Variants in FRMPD2 observed in about 807,000 individuals in gnomAD.
FRMPD2 encodes the protein FERM and PDZ domain containing 2.
In FRMPD2, 96 loss-of-function variants were observed where a neutral mutation model predicts 140.1. That is an observed-to-expected ratio of 0.69 (90% CI 0.58 to 0.81). FRMPD2 has a LOEUF of 0.81. Among genes scored for constraint, FRMPD2 ranks in the 40% least tolerant of loss-of-function variants. FRMPD2 has a pLI of 0.00. For missense variants in FRMPD2, 1,240 were observed against 1,447.4 expected (o/e 0.86, Z 2.32); for synonymous variants, 449 against 547.6 (o/e 0.82, Z 2.52).
At chr10:48,204,821 G>A (rs1409311347) in intron 14 of FRMPD2, among the ~76,000 whole-genome samples, 2 of 152,268 alleles carry the variant, frequency 1.3e-5, no homozygotes, top group East Asian at 3.9e-4. Context: ...AACTAGTGCT[G>A]ATAACTATGG....
chr10:48,228,767 A>G (rs1170803857), intron 10 of FRMPD2, among the ~76,000 whole-genome samples: 1 of 152,066 alleles, frequency 6.6e-6, no homozygotes, highest in Non-Finnish European at 1.5e-5. Context: ...GTTAAAAGGA[A>G]GATATGAGAA....
chr10:48,225,668 G>T (rs2131911113), intron 10 of FRMPD2, among the ~76,000 whole-genome samples: 1 of 152,306 alleles, frequency 6.6e-6, no homozygotes, highest in South Asian at 2.1e-4. Context: ...TCTTTGGAAA[G>T]CCTGTCTCTC....
intron 13 of FRMPD2, among the ~76,000 whole-genome samples, chr10:48,207,312 T>C (rs533416876): frequency 6.6e-6 from 1 of 152,320 alleles, no homozygotes; most frequent in East Asian, 1.9e-4. Flanking sequence ...CTTTTCCTTG[T>C]TGTGTCAGAG....
chr10:48,234,823 G>C (rs1839930906), intron 9 of FRMPD2, among the ~76,000 whole-genome samples: 1 of 152,096 alleles, frequency 6.6e-6, no homozygotes, highest in Admixed American at 6.5e-5. Flanking sequence ...ACAGAACTGG[G>C]ACAATAGCAC....
intron 12 of FRMPD2, among the ~76,000 whole-genome samples, chr10:48,221,517 C>T (rs1438205337): frequency 2.6e-5 from 4 of 152,152 alleles, no homozygotes; most frequent in African/African-American, 9.7e-5. Flanking sequence ...ACCAAAATTT[C>T]AGTAATCAAC....
chr10:48,271,901 A>AT (rs1840774575), intron 1 of FRMPD2, among the ~76,000 whole-genome samples: 1 of 152,156 alleles, frequency 6.6e-6, no homozygotes, highest in Admixed American at 6.5e-5. Context: ...ACCATGAGTT[A>AT]TTGTGTCTGG....
intron 14 of FRMPD2, among the ~76,000 whole-genome samples, chr10:48,204,179 A>G (rs1839150730): frequency 6.6e-6 from 1 of 152,164 alleles, no homozygotes; most frequent in East Asian, 1.9e-4. Flanking sequence ...AAGTTTTTGC[A>G]CTCATCAGAA....
chr10:48,244,638 A>G (rs1840202361), intron 4 of FRMPD2, 146 bp downstream of exon 4: 1 of 629,436 alleles, frequency 1.6e-6, no homozygotes, highest in Non-Finnish European at 2.9e-6. Context: ...GAGTTGTGTG[A>G]TAAGTTCTCA....
intron 20 of FRMPD2, among the ~76,000 whole-genome samples, chr10:48,183,214 T>A (rs945769608): frequency 6.6e-6 from 1 of 152,176 alleles, no homozygotes; most frequent in African/African-American, 2.4e-5. Flanking sequence ...TTCTCCTGTA[T>A]ACAAGGGAAA....
At chr10:48,274,332 C>T (rs1283319539) in intron 1 of FRMPD2, among the ~76,000 whole-genome samples, 2 of 152,118 alleles carry the variant, frequency 1.3e-5, no homozygotes, top group Non-Finnish European at 2.9e-5. Context: ...TCTTCTGAGC[C>T]CATTCTTTAT....
rs1838663653 is a variant in FRMPD2, at chr10:48,185,613, C to A, written c.2299G>T (p.Ala767Ser). ...CGTACAATTTCTCGGCCCGGTTCAG[C>A]TATAAAGCTCTTCCTCCTATTATTC... ...SKNNRRKSFI[A>S]EPGREIVRVT... Residue 767 changes from alanine to serine, a missense_variant, in exon 18 of 29, where the codon GCT becomes TCT. Around this residue, in one of 6 missense-constraint regions of FRMPD2, gnomAD observed 1,161 missense variants for 1,055.9 expected, o/e 1.10. Transcript: ENST00000374201. 1 of 1,613,958 alleles carries A rather than the reference C, an allele frequency of 6.2e-7. No individual in the cohort carries two copies. Among genetic ancestry groups the A allele is most frequent in the Non-Finnish European group, 8.5e-7 (1 of 1,179,940 alleles).
At chr10:48,163,729 A>C in intron 27 of FRMPD2, 58 bp from the exon 28 acceptor site, 1 of 1,101,984 alleles carries the variant, frequency 9.1e-7, no homozygotes, top group South Asian at 1.3e-5. Flanking sequence ...TTTTTTAAAA[A>C]TACAAAGCTT....
In FRMPD2 at chr10:48,189,008, T is replaced by C. The variant is rs185495878; in HGVS notation, c.2166-1716A>G. Among the ~76,000 whole-genome samples, 304 of 152,268 alleles carry C rather than the reference T, an allele frequency of 2.0e-3. 1 individual carries two copies. The highest frequency in any genetic ancestry group is 6.7e-3 in the African/African-American group (277 of 41,560). On this transcript the variant is annotated intron_variant, in intron 16 of 28. Coordinates refer to ENST00000374201, the MANE Select transcript of FRMPD2 (RefSeq NM_001018071.4). ...CGGACAGAGCTCTGGGGATGGACTT[T>C]CGTGATGGTAGCACAACATCATGAA...
intron 3 of FRMPD2, among the ~76,000 whole-genome samples, chr10:48,245,286 G>C (rs1336432804): frequency 6.6e-6 from 1 of 152,186 alleles, no homozygotes; most frequent in Non-Finnish European, 1.5e-5. Context: ...ACACAGCCTG[G>C]ATCCTTGATG....
intron 16 of FRMPD2, among the ~76,000 whole-genome samples, chr10:48,187,982 G>A (rs912448886): frequency 2.6e-5 from 4 of 152,192 alleles, no homozygotes; most frequent in Non-Finnish European, 4.4e-5. Flanking sequence ...CCACAGCCCC[G>A]GGGTCAGTTC....
chr10:48,254,673 A>G (rs376436552), intron 1 of FRMPD2, among the ~76,000 whole-genome samples: 2 of 152,234 alleles, frequency 1.3e-5, no homozygotes, highest in South Asian at 2.1e-4. Context: ...AGAGTGCTTT[A>G]TGTGCTAACT....
At chr10:48,217,862 A>G (rs1839486942) in intron 12 of FRMPD2, among the ~76,000 whole-genome samples, 1 of 151,974 alleles carries the variant, frequency 6.6e-6, no homozygotes, top group Admixed American at 6.6e-5. Context: ...AAGACACAGA[A>G]CTCTGCGAAG....
intron 14 of FRMPD2, among the ~76,000 whole-genome samples, chr10:48,204,345 A>G (rs1008212403): frequency 2.6e-5 from 4 of 152,174 alleles, no homozygotes; most frequent in African/African-American, 9.7e-5. Flanking sequence ...GGTTTCCTGC[A>G]TTTGCAGCAA....
intron 9 of FRMPD2, among the ~76,000 whole-genome samples, chr10:48,234,033 C>T (rs1839911190): frequency 6.6e-6 from 1 of 152,222 alleles, no homozygotes; most frequent in African/African-American, 2.4e-5. Context: ...AGCCAGGTAC[C>T]AAACGCATCT....
Sources: allele counts gnomAD v4.1 joint callset (sites outside exome capture counted in the v4.1 genomes callset), GRCh38; gene constraint gnomAD v4.1.1; regional missense constraint gnomAD v4.1.1; transcripts MANE v1.5; gene names NCBI Gene and HGNC (gene_info 2026-07-23, HGNC 2026-07-21).